The following CDH13 variants were observed in gnomAD, a reference collection of about 807,000 sequenced individuals.
CDH13 encodes the protein cadherin-13.
CDH13 carries 24 observed loss-of-function variants against 63.8 expected under a neutral mutation model. The ratio of observed to expected loss-of-function variants is 0.38; its 90% confidence interval spans 0.27 to 0.53. The LOEUF is 0.53. Among genes scored for constraint, CDH13 ranks in the 20% least tolerant of loss-of-function variants. The pLI is 0.85. For missense variants in CDH13, 1,049 were observed against 903.1 expected (o/e 1.16, Z -2.07); for synonymous variants, 503 against 355.3 (o/e 1.42, Z -4.67).
At chr16:82,720,654 G>A (rs758419239) in intron 1 of CDH13, among the ~76,000 whole-genome samples, 1 of 151,772 alleles carries the variant, frequency 6.6e-6, no homozygotes, top group Non-Finnish European at 1.5e-5. Flanking sequence ...CCACACACAG[G>A]GTGGTCTGGG....
intron 3 of CDH13, among the ~76,000 whole-genome samples, chr16:83,041,749 T>C (rs1367444019): frequency 6.6e-6 from 1 of 152,204 alleles, no homozygotes; most frequent in Non-Finnish European, 1.5e-5. Context: ...TTCAGCCACA[T>C]GATACTGAAA....
chr16:83,261,239 G>A (rs1159880833), intron 5 of CDH13, among the ~76,000 whole-genome samples: 1 of 152,132 alleles, frequency 6.6e-6, no homozygotes, highest in Non-Finnish European at 1.5e-5. Context: ...AAAACTAAGT[G>A]GCTTTGAGAG....
intron 8 of CDH13, among the ~76,000 whole-genome samples, chr16:83,635,607 G>A (rs1026282778): frequency 6.6e-6 from 1 of 152,098 alleles, no homozygotes; most frequent in Non-Finnish European, 1.5e-5. Context: ...ATCCCAAAGT[G>A]CTGGGATTAC....
intron 2 of CDH13, among the ~76,000 whole-genome samples, chr16:82,933,985 C>T (rs1444197085): frequency 1.3e-5 from 2 of 152,202 alleles, no homozygotes; most frequent in African/African-American, 4.8e-5. Flanking sequence ...TTTCCAGGTG[C>T]TCTGTGCAAG....
At chr16:83,261,615 A>G (rs1006267303) in intron 5 of CDH13, among the ~76,000 whole-genome samples, 1 of 152,250 alleles carries the variant, frequency 6.6e-6, no homozygotes, top group South Asian at 2.1e-4. Flanking sequence ...CCCATGACAA[A>G]GAAATTATCC....
At position 83,090,922 on chromosome 16, in the gene CDH13, C is replaced by G. The variant is rs373357884; in HGVS notation, c.367-34463C>G. On this transcript the variant is annotated intron_variant, in intron 3 of 13. Transcript: ENST00000567109. ...AAAAAAGTCATTTGGGAACCCCCAG[C>G]AAAATACTGTGTGGATATTCTTTTC... Among the ~76,000 whole-genome samples the G allele has an allele frequency of 4.6e-5, 7 of 151,524 alleles. No individual in the cohort carries two copies. In the South Asian group the frequency reaches 8.4e-4, roughly 18 times the overall value.
chr16:83,404,961 A>T (rs1487132231), intron 6 of CDH13, among the ~76,000 whole-genome samples: 1 of 152,204 alleles, frequency 6.6e-6, no homozygotes, highest in African/African-American at 2.4e-5. Flanking sequence ...AAATGTCTAA[A>T]GCAGTGAACA....
At chr16:83,421,898 GA>G (rs1171550602) in intron 6 of CDH13, among the ~76,000 whole-genome samples, 1 of 152,188 alleles carries the variant, frequency 6.6e-6, no homozygotes, top group Admixed American at 6.5e-5. Context: ...ACCTTCTCAT[GA>G]AAGCAGGAAA....
At chr16:83,531,640 G>A (rs1002122756) in intron 7 of CDH13, among the ~76,000 whole-genome samples, 2 of 152,216 alleles carry the variant, frequency 1.3e-5, no homozygotes, top group Non-Finnish European at 2.9e-5. Context: ...ACAAGAGGGA[G>A]GCGAGTGGTA....
At chr16:83,518,638 A>G (rs1174248897) in intron 7 of CDH13, among the ~76,000 whole-genome samples, 2 of 137,300 alleles carry the variant, frequency 1.5e-5, no homozygotes, top group Non-Finnish European at 3.1e-5. Flanking sequence ...ACACCCGGCT[A>G]ATTTTTGTAT....
At chr16:83,258,839 A>C (rs1906617278) in intron 5 of CDH13, among the ~76,000 whole-genome samples, 1 of 152,084 alleles carries the variant, frequency 6.6e-6, no homozygotes, top group South Asian at 2.1e-4. Flanking sequence ...CAGTCCTTAT[A>C]CTCTCATTTG....
chr16:83,761,777 A>T (rs1178781163), intron 11 of CDH13, among the ~76,000 whole-genome samples: 1 of 152,216 alleles, frequency 6.6e-6, no homozygotes, highest in African/African-American at 2.4e-5. Context: ...AGTAATTTTA[A>T]TGCACTATAA....
intron 1 of CDH13, among the ~76,000 whole-genome samples, chr16:82,836,513 C>T (rs938623244): frequency 2.0e-5 from 3 of 152,024 alleles, no homozygotes; most frequent in African/African-American, 4.8e-5. Flanking sequence ...ACGTGATATG[C>T]CAAAGTGGGT....
chr16:83,788,603 C>T (rs1310924949), intron 13 of CDH13, among the ~76,000 whole-genome samples: 1 of 152,112 alleles, frequency 6.6e-6, no homozygotes, highest in Non-Finnish European at 1.5e-5. Context: ...TTTCCCACTT[C>T]TCATCTCTCA....
At chr16:83,252,402 C>T (rs1905686758) in intron 5 of CDH13, among the ~76,000 whole-genome samples, 1 of 151,624 alleles carries the variant, frequency 6.6e-6, no homozygotes. Flanking sequence ...CTAATGAATG[C>T]AAATGGGGAA....
At chr16:82,852,388 A>G (rs1166499789) in intron 1 of CDH13, among the ~76,000 whole-genome samples, 1 of 152,174 alleles carries the variant, frequency 6.6e-6, no homozygotes, top group East Asian at 1.9e-4. Context: ...TCTTCTGTGC[A>G]ATGACTGATT....
At chr16:83,251,367 G>T (rs564489964) in intron 5 of CDH13, among the ~76,000 whole-genome samples, 1 of 152,186 alleles carries the variant, frequency 6.6e-6, no homozygotes, top group African/African-American at 2.4e-5. Flanking sequence ...CAAGAAAATT[G>T]TGAGTTCTAG....
At chr16:83,086,758 CAAAAT>C (rs1385775517) in intron 3 of CDH13, among the ~76,000 whole-genome samples, 1 of 151,924 alleles carries the variant, frequency 6.6e-6, no homozygotes, top group African/African-American at 2.4e-5. Flanking sequence ...ATGATGCACA[CAAAAT>C]AAAACAAGCA....
Position 82,896,276 on chromosome 16 carries a change from A to ATTTTTTT in CDH13, c.157+37830_157+37836dup, listed in dbSNP as rs59677448. Among the ~76,000 whole-genome samples, 241 of 87,822 alleles carry ATTTTTTT rather than the reference A, an allele frequency of 2.7e-3. 34 individuals carry two copies. The highest frequency in any genetic ancestry group is 0.013 in the East Asian group (19 of 1,430). The allele number at this position is 87,822 out of a possible 152,430, so 57.6% of individuals were successfully genotyped here. A position where few individuals can be genotyped will look rare whatever the true frequency, so the allele number is the denominator to read the frequency against. On this transcript the variant is annotated intron_variant, in intron 2 of 13. Coordinates refer to ENST00000567109, the MANE Select transcript of CDH13 (RefSeq NM_001257.5). ...GAGTCTTCTGAGAACTAGGATTAGG[A>ATTTTTTT]TTTTTTTTTTTTTTTTTTTTTTTTT... is the stretch of plus-strand genomic sequence containing the variant.
Sources: allele counts gnomAD v4.1 joint callset (sites outside exome capture counted in the v4.1 genomes callset), GRCh38; gene constraint gnomAD v4.1.1; transcripts MANE v1.5; gene names NCBI Gene and HGNC (gene_info 2026-07-23, HGNC 2026-07-21).